ASIC2: variants seen among roughly 807,000 people sequenced by gnomAD.
ASIC2 encodes the protein acid-sensing ion channel 2.
ASIC2 carries 25 observed loss-of-function variants against 57.3 expected under a neutral mutation model. The ratio of observed to expected loss-of-function variants is 0.44; its 90% confidence interval spans 0.32 to 0.61. The LOEUF (loss-of-function observed/expected upper bound fraction) is 0.61, where lower values mean the gene tolerates loss of function less well. Ranked by LOEUF, ASIC2 falls within the 20% of genes least tolerant of loss-of-function variation. ASIC2 has a pLI of 0.06. For synonymous variants in ASIC2, 319 were observed against 307.5 expected (o/e 1.04, Z -0.39); for missense variants, 641 against 738.1 (o/e 0.87, Z 1.52).
chr17:33,120,963 T>C (rs1367039873), intron 1 of ASIC2, among the ~76,000 whole-genome samples: 1 of 152,222 alleles, frequency 6.6e-6, no homozygotes, highest in East Asian at 1.9e-4. Flanking sequence ...GGTATCTTTT[T>C]GGTTCTTCAT....
chr17:33,116,895 G>T (rs2092283361), intron 1 of ASIC2, among the ~76,000 whole-genome samples: 2 of 151,928 alleles, frequency 1.3e-5, no homozygotes, highest in Non-Finnish European at 2.9e-5. Flanking sequence ...TGTCACCCAG[G>T]CTGGAATGCA....
intron 1 of ASIC2, among the ~76,000 whole-genome samples, chr17:33,243,631 A>T (rs1207810140): frequency 1.3e-5 from 2 of 152,244 alleles, no homozygotes; most frequent in Non-Finnish European, 2.9e-5. Flanking sequence ...GGAATTCAAC[A>T]TACAGGAACG....
At chr17:33,575,788 G>A (rs142173410) in intron 1 of ASIC2, among the ~76,000 whole-genome samples, 6 of 152,138 alleles carry the variant, frequency 3.9e-5, no homozygotes, top group African/African-American at 1.4e-4. Context: ...CAGAGGGGCA[G>A]GCTATCAGCA....
chr17:33,800,428 G>A (rs995026557), intron 1 of ASIC2, among the ~76,000 whole-genome samples: 2 of 151,998 alleles, frequency 1.3e-5, no homozygotes, highest in South Asian at 2.1e-4. Context: ...TGGTGTGTAC[G>A]AATTCCCAAA....
intron 1 of ASIC2, among the ~76,000 whole-genome samples, chr17:33,411,887 G>A (rs1910674416): frequency 6.6e-6 from 1 of 152,164 alleles, no homozygotes; most frequent in South Asian, 2.1e-4. Context: ...AAGTGACATG[G>A]CTTCACCAAC....
intron 1 of ASIC2, among the ~76,000 whole-genome samples, chr17:33,400,823 C>G (rs1490131986): frequency 6.6e-6 from 1 of 152,146 alleles, no homozygotes; most frequent in Non-Finnish European, 1.5e-5. Flanking sequence ...GCCACCCCTG[C>G]CACCCCTGCC....
chr17:34,067,373 C>G (rs1159297583), intron 1 of ASIC2, among the ~76,000 whole-genome samples: 1 of 152,184 alleles, frequency 6.6e-6, no homozygotes, highest in East Asian at 1.9e-4. Flanking sequence ...TAAAGGAAAG[C>G]AAATTTTTTT....
intron 1 of ASIC2, chr17:33,794,040 T>C (rs1261405155): frequency 6.6e-6 from 1 of 152,210 alleles, no homozygotes; most frequent in Non-Finnish European, 1.5e-5. Context: ...ACTTTCTGGC[T>C]GAGGAAAATT....
chr17:33,023,539 C>T (rs1421258917), intron 6 of ASIC2, among the ~76,000 whole-genome samples: 10 of 151,874 alleles, frequency 6.6e-5, no homozygotes, highest in African/African-American at 2.4e-4. Flanking sequence ...CCTGATGTCA[C>T]CTCATTGCAA....
chr17:34,055,390 C>T (rs1027248765), intron 1 of ASIC2, among the ~76,000 whole-genome samples: 3 of 152,172 alleles, frequency 2.0e-5, no homozygotes, highest in African/African-American at 7.2e-5. Context: ...TGCCCTCCCA[C>T]TTGTTTACTG....
chr17:33,017,486 G>T, intron 8 of ASIC2, 119 bp downstream of exon 8: 1 of 796,218 alleles, frequency 1.3e-6, no homozygotes, highest in South Asian at 1.8e-5. Flanking sequence ...GTGGACAGGA[G>T]GGGAAGCAGG....
At chr17:33,247,799 A>G (rs907529809) in intron 1 of ASIC2, among the ~76,000 whole-genome samples, 7 of 151,906 alleles carry the variant, frequency 4.6e-5, no homozygotes, top group African/African-American at 1.7e-4. Context: ...TCATGCATGC[A>G]CTCATTTTTC....
chr17:33,025,903 C>T, intron 5 of ASIC2, 23 bp downstream of exon 5: 3 of 1,582,040 alleles, frequency 1.9e-6, no homozygotes, highest in Non-Finnish European at 2.6e-6. Flanking sequence ...CCCCATGATT[C>T]CATCTGTCCC....
In ASIC2 at chr17:34,063,571, G is replaced by A. The variant is rs184573632; in HGVS notation, c.555+92407C>T. Among the ~76,000 whole-genome samples, 213 of 152,248 alleles carry A rather than the reference G, an allele frequency of 1.4e-3. 1 individual carries two copies. Among genetic ancestry groups the A allele is most frequent in the African/African-American group, 5.0e-3 (208 of 41,560 alleles). On this transcript the variant is annotated intron_variant, in intron 1 of 9. Coordinates refer to the ASIC2 transcript ENST00000359872. The stretch of plus-strand genomic sequence containing the variant: ...GGGCATCCAAATCAGTAAAGAGGAA[G>A]TCAAACTGTCACTATTTGCTGATGA...
Position 33,495,687 on chromosome 17 carries a change from C to T in ASIC2, c.556-383620G>A, listed in dbSNP as rs1024962609. Among the ~76,000 whole-genome samples the T allele has an allele frequency of 2.0e-5, 3 of 152,288 alleles. No homozygotes were observed. The South Asian group carries it at 6.2e-4, about 32-fold the overall frequency. On this transcript the variant is annotated intron_variant, in intron 1 of 9. Transcript: ENST00000359872. ...TGGTGCCAAAGGCCAGGCCCCCCAC[C>T]CTCCTGAAGCTAACAGGGTAATGGG...
At chr17:33,344,264 C>G (rs1346445817) in intron 1 of ASIC2, among the ~76,000 whole-genome samples, 1 of 152,184 alleles carries the variant, frequency 6.6e-6, no homozygotes, top group East Asian at 1.9e-4. Context: ...GCCAGCTTTT[C>G]TCTGAAGCAG....
chr17:33,415,917 C>T (rs182824274), intron 1 of ASIC2, among the ~76,000 whole-genome samples: 225 of 152,272 alleles, frequency 1.5e-3, no homozygotes, highest in South Asian at 0.013. Context: ...GTGGGCCTGG[C>T]GGAGGCAGTG....
chr17:33,416,543 T>C (rs1910847203), intron 1 of ASIC2, among the ~76,000 whole-genome samples: 1 of 152,182 alleles, frequency 6.6e-6, no homozygotes, highest in African/African-American at 2.4e-5. Flanking sequence ...GAAGTAAGCC[T>C]GGGATGAGCT....
chr17:33,350,749 C>T (rs1200671410), intron 1 of ASIC2, among the ~76,000 whole-genome samples: 2 of 137,066 alleles, frequency 1.5e-5, no homozygotes, highest in Non-Finnish European at 3.1e-5. Flanking sequence ...CATCTCAGGA[C>T]CTCAGCAACA....
Sources: allele counts gnomAD v4.1 joint callset (sites outside exome capture counted in the v4.1 genomes callset), GRCh38; gene constraint gnomAD v4.1.1; transcripts MANE v1.5; gene names NCBI Gene and HGNC (gene_info 2026-07-23, HGNC 2026-07-21).